MTX2: variants seen among roughly 807,000 people sequenced by gnomAD.
The protein encoded by MTX2 is metaxin 2.
MTX2 carries 35 observed loss-of-function variants against 42.3 expected under a neutral mutation model. The observed-to-expected ratio is 0.83, with a 90% CI of 0.63 to 1.10. MTX2 has a LOEUF of 1.10. Among genes scored for constraint, MTX2 ranks in the 50% least tolerant of loss-of-function variants. The pLI, the probability that MTX2 is intolerant of heterozygous loss-of-function variation, is 0.00. For synonymous variants in MTX2, 119 were observed against 100.9 expected, an observed-to-expected ratio of 1.18 and a Z score of -1.08; for missense variants, 307 against 304.1, an observed-to-expected ratio of 1.01 and a Z score of -0.07.
At chr2:176,269,740 G>A in intron 1 of MTX2, 71 bp downstream of exon 1, 1 of 1,502,866 alleles carries the variant, frequency 6.7e-7, no homozygotes, top group Non-Finnish European at 8.9e-7. Flanking sequence ...TACAGGGCTG[G>A]AGCTTTCCTC....
intron 3 of MTX2, among the ~76,000 whole-genome samples, chr2:176,320,576 A>G (rs889361216): frequency 2.0e-5 from 3 of 152,044 alleles, no homozygotes; most frequent in Non-Finnish European, 4.4e-5. Context: ...TTTCTTATCA[A>G]CTTTCAGTCA....
At chr2:176,270,458 A>G (rs1186977036) in intron 1 of MTX2, 3 of 1,286,426 alleles carry the variant, frequency 2.3e-6, no homozygotes, top group East Asian at 4.6e-5. Context: ...ATTTATTGTA[A>G]TGAAAGAAAT....
At chr2:176,271,163 TACTC>T (rs1692795716) in intron 1 of MTX2, among the ~76,000 whole-genome samples, 2 of 152,314 alleles carry the variant, frequency 1.3e-5, no homozygotes, top group Admixed American at 6.5e-5. Context: ...AGTGATCTGT[TACTC>T]TAGGAGGAAG....
At chr2:176,310,997 T>C (rs529503925) in intron 3 of MTX2, among the ~76,000 whole-genome samples, 21 of 152,330 alleles carry the variant, frequency 1.4e-4, no homozygotes, top group African/African-American at 4.8e-4. Flanking sequence ...TTAGAATTTT[T>C]AGCTTTTCTG....
intron 1 of MTX2, among the ~76,000 whole-genome samples, chr2:176,271,702 G>A (rs1223451235): frequency 6.6e-6 from 1 of 152,178 alleles, no homozygotes; most frequent in Non-Finnish European, 1.5e-5. Flanking sequence ...GGAACGTAAT[G>A]TAGCAATATT....
chr2:176,276,753 A>C (rs186204141), intron 1 of MTX2, among the ~76,000 whole-genome samples: 33 of 152,300 alleles, frequency 2.2e-4, no homozygotes, highest in Middle Eastern at 6.8e-3. Context: ...TTTGGACAGC[A>C]GAAAATGCCC....
At chr2:176,332,967 G>A (rs1684896141) in intron 9 of MTX2, among the ~76,000 whole-genome samples, 1 of 151,346 alleles carries the variant, frequency 6.6e-6, no homozygotes, top group South Asian at 2.1e-4. Flanking sequence ...ATTTTACTGA[G>A]TGCCAGAAAA....
chr2:176,329,577 A>G (rs2105445423), intron 8 of MTX2, 151 bp downstream of exon 8: 1 of 852,298 alleles, frequency 1.2e-6, no homozygotes, highest in Non-Finnish European at 1.7e-6. Context: ...TTTTATTTCT[A>G]AAAAATCATA....
intron 1 of MTX2, among the ~76,000 whole-genome samples, chr2:176,289,597 A>C (rs2105406414): frequency 6.6e-6 from 1 of 152,198 alleles, no homozygotes; most frequent in Admixed American, 6.5e-5. Flanking sequence ...TCTTCTTTAT[A>C]AAAATGATAA....
At chr2:176,335,257 T>C (rs1684962342) in intron 9 of MTX2, among the ~76,000 whole-genome samples, 1 of 152,046 alleles carries the variant, frequency 6.6e-6, no homozygotes, top group Non-Finnish European at 1.5e-5. Context: ...GGTTCCCTAA[T>C]TGGCTTGAGT....
At chr2:176,311,787 G>A (rs778873090) in intron 3 of MTX2, among the ~76,000 whole-genome samples, 14 of 152,216 alleles carry the variant, frequency 9.2e-5, no homozygotes, top group Non-Finnish European at 4.4e-5. Context: ...GAAGTGTCCC[G>A]TTTATCCAGG....
intron 5 of MTX2, among the ~76,000 whole-genome samples, chr2:176,327,683 G>C (rs13009211): frequency 0.38 from 57,189 of 149,358 alleles, 13,003 homozygotes; most frequent in Admixed American, 0.55. Context: ...TGTTTTTATA[G>C]AGTACTAAGA....
At chr2:176,318,719 A>G (rs542790011) in intron 3 of MTX2, among the ~76,000 whole-genome samples, 2 of 152,326 alleles carry the variant, frequency 1.3e-5, no homozygotes, top group Non-Finnish European at 2.9e-5. Flanking sequence ...TGCTATAATC[A>G]CTTTCAGATG....
At chr2:176,329,768 GT>G (rs772324906) in intron 8 of MTX2, among the ~76,000 whole-genome samples, 673 of 132,800 alleles carry the variant, frequency 5.1e-3, no homozygotes, top group Middle Eastern at 7.5e-3. Context: ...TAACCTGAGG[GT>G]TTTTTTTTTT....
Position 176,330,648 on chromosome 2 carries a change from T to G in MTX2, c.608T>G (p.Phe203Cys), listed in dbSNP as rs1684842149. Residue 203 changes from phenylalanine (F) to cysteine (C), a missense_variant, in exon 9 of 10, where the codon TTC (phenylalanine) becomes TGC (cysteine). Transcript: ENST00000249442. ...CAAAGACTGGGAACACAACCGTATT[T>G]CTTCAATAAGCAGTAAGAAATTTTA... ...LSQRLGTQPY[F>C]FNKQPTELDA... The G allele has an allele frequency of 6.3e-7, 1 of 1,589,576 alleles. No individual in the cohort carries two copies. Among genetic ancestry groups the G allele is most frequent in the South Asian group, 1.1e-5 (1 of 87,388 alleles).
chr2:176,317,649 T>TC (rs1460413785), intron 3 of MTX2, among the ~76,000 whole-genome samples: 1 of 152,094 alleles, frequency 6.6e-6, no homozygotes, highest in African/African-American at 2.4e-5. Flanking sequence ...AGATTTTTTT[T>TC]CTCCAGAGAG....
chr2:176,293,984 C>T (rs1683773806), intron 1 of MTX2, among the ~76,000 whole-genome samples: 1 of 152,118 alleles, frequency 6.6e-6, no homozygotes, highest in African/African-American at 2.4e-5. Flanking sequence ...CTTTTTAAAT[C>T]ATAGGTTCTA....
intron 5 of MTX2, 74 bp downstream of exon 5, chr2:176,326,975 A>G (rs372244765): frequency 1.2e-6 from 1 of 843,978 alleles, no homozygotes; most frequent in African/African-American, 1.8e-5. Context: ...CTTAACATTT[A>G]CATTGATTTC....
At chr2:176,295,774 C>G (rs927164637) in intron 1 of MTX2, among the ~76,000 whole-genome samples, 1 of 151,928 alleles carries the variant, frequency 6.6e-6, no homozygotes, top group African/African-American at 2.4e-5. Context: ...TTTAAATGAT[C>G]AGTCTTAAGA....
Sources: gnomAD v4.1 joint callset for allele counts (sites outside exome capture counted in the v4.1 genomes callset) on GRCh38, gnomAD v4.1.1 for gene constraint, MANE v1.5 for transcripts, NCBI Gene and HGNC (gene_info 2026-07-23, HGNC 2026-07-21) for gene names.